MGAT4A: variants seen among roughly 807,000 people sequenced by gnomAD.
The protein encoded by MGAT4A is N-acetylglucosaminyltransferase IVa.
In MGAT4A, 33 loss-of-function variants were observed where a neutral mutation model predicts 74.1. That is an observed-to-expected ratio of 0.45 (90% CI 0.34 to 0.60). The LOEUF is 0.60. MGAT4A is among the 20% of genes least tolerant of loss of function. The pLI, the probability that MGAT4A is intolerant of heterozygous loss-of-function variation, is 0.02. For synonymous variants in MGAT4A, 198 were observed against 210.4 expected, an observed-to-expected ratio of 0.94 and a Z score of 0.51; for missense variants, 479 against 628.3, an observed-to-expected ratio of 0.76 and a Z score of 2.54.
At chr2:98,687,499 T>G (rs953001943) in intron 2 of MGAT4A, among the ~76,000 whole-genome samples, 5 of 151,878 alleles carry the variant, frequency 3.3e-5, no homozygotes, top group Non-Finnish European at 5.9e-5. Flanking sequence ...ATTTCATGCT[T>G]TCTCCTTCTT....
At chr2:98,651,833 CAA>C (rs948355112) in intron 8 of MGAT4A, among the ~76,000 whole-genome samples, 3 of 151,958 alleles carry the variant, frequency 2.0e-5, no homozygotes, top group African/African-American at 7.3e-5. Context: ...TACTTTACAT[CAA>C]AAGACACACA....
intron 2 of MGAT4A, among the ~76,000 whole-genome samples, chr2:98,688,369 T>A (rs1702154278): frequency 6.6e-6 from 1 of 152,192 alleles, no homozygotes; most frequent in Admixed American, 6.5e-5. Flanking sequence ...ACCCTCGTCC[T>A]TCTGGTATTC....
intron 5 of MGAT4A, among the ~76,000 whole-genome samples, chr2:98,658,515 G>A (rs1701694075): frequency 6.6e-6 from 1 of 152,052 alleles, no homozygotes; most frequent in South Asian, 2.1e-4. Flanking sequence ...TAGGAAAACT[G>A]AACACAAAAA....
chr2:98,719,581 A>G (rs6737760), intron 2 of MGAT4A, among the ~76,000 whole-genome samples: 28,279 of 152,192 alleles, frequency 0.19, 2,844 homozygotes, highest in South Asian at 0.23. Flanking sequence ...ACGGGGAAAA[A>G]AAACCAAGCA....
At chr2:98,706,099 G>C (rs1702427835) in intron 2 of MGAT4A, among the ~76,000 whole-genome samples, 1 of 152,038 alleles carries the variant, frequency 6.6e-6, no homozygotes, top group Non-Finnish European at 1.5e-5. Flanking sequence ...TTTTGATATT[G>C]TGCCCTAAAT....
intron 14 of MGAT4A, among the ~76,000 whole-genome samples, chr2:98,626,878 C>A (rs1701152579): frequency 6.6e-6 from 1 of 152,182 alleles, no homozygotes; most frequent in Non-Finnish European, 1.5e-5. Flanking sequence ...TTCTTTCACA[C>A]AGCCTAGGTG....
intron 2 of MGAT4A, among the ~76,000 whole-genome samples, chr2:98,723,982 G>A (rs765073518): frequency 1.3e-5 from 2 of 152,162 alleles, no homozygotes; most frequent in Non-Finnish European, 2.9e-5. Context: ...ATCTCCAATT[G>A]TTGTTATGAG....
chr2:98,658,013 T>G (rs1414023769), intron 6 of MGAT4A, among the ~76,000 whole-genome samples: 1 of 152,178 alleles, frequency 6.6e-6, no homozygotes, highest in Non-Finnish European at 1.5e-5. Flanking sequence ...TTTTCTATAA[T>G]GAAATAAACC....
chr2:98,635,638 A>G (rs1701307456), intron 13 of MGAT4A, among the ~76,000 whole-genome samples: 2 of 152,204 alleles, frequency 1.3e-5, no homozygotes, highest in African/African-American at 2.4e-5. Context: ...ATTAATTAAC[A>G]GGCATTAAAA....
intron 2 of MGAT4A, among the ~76,000 whole-genome samples, chr2:98,699,283 A>T: frequency 6.6e-6 from 1 of 152,218 alleles, no homozygotes; most frequent in East Asian, 1.9e-4. Flanking sequence ...TTCAGACTCC[A>T]ATAAGGAAAC....
chr2:98,680,915 T>C (rs1330279831), intron 2 of MGAT4A, among the ~76,000 whole-genome samples: 1 of 152,244 alleles, frequency 6.6e-6, no homozygotes, highest in African/African-American at 2.4e-5. Context: ...ATAAGAAGAC[T>C]CAGTCTTACA....
intron 3 of MGAT4A, among the ~76,000 whole-genome samples, chr2:98,677,664 C>T (rs1365580298): frequency 6.6e-6 from 1 of 151,942 alleles, no homozygotes; most frequent in Non-Finnish European, 1.5e-5. Flanking sequence ...TGTTGGCCAG[C>T]CTGGTCTTGA....
intron 2 of MGAT4A, among the ~76,000 whole-genome samples, chr2:98,684,147 G>C (rs1035924839): frequency 6.6e-6 from 1 of 152,216 alleles, no homozygotes; most frequent in Non-Finnish European, 1.5e-5. Flanking sequence ...TTAAGGAAGA[G>C]AATTGTTTAT....
At chr2:98,726,086 GAA>G (rs1183865708) in intron 2 of MGAT4A, 151 bp downstream of exon 2, 2 of 561,246 alleles carry the variant, frequency 3.6e-6, no homozygotes, top group African/African-American at 3.7e-5. Flanking sequence ...CTCTGTCCAA[GAA>G]TACTGTTTCA....
intron 1 of MGAT4A, among the ~76,000 whole-genome samples, chr2:98,728,862 A>G (rs953548523): frequency 8.5e-5 from 13 of 152,196 alleles, no homozygotes; most frequent in African/African-American, 3.1e-4. Flanking sequence ...TATAACTTGG[A>G]ACATTAATCC....
At chr2:98,692,683 AC>A (rs1240240877) in intron 2 of MGAT4A, among the ~76,000 whole-genome samples, 7 of 152,160 alleles carry the variant, frequency 4.6e-5, no homozygotes, top group Admixed American at 6.5e-5. Context: ...ACAAATACTT[AC>A]CATTGTGTTA....
intron 14 of MGAT4A, among the ~76,000 whole-genome samples, chr2:98,630,752 G>A (rs1216816797): frequency 6.6e-6 from 1 of 152,064 alleles, no homozygotes; most frequent in African/African-American, 2.4e-5. Context: ...ACTCCCGAAG[G>A]GACACAAATC....
chr2:98,712,566 A>G (rs950026949), intron 2 of MGAT4A, among the ~76,000 whole-genome samples: 4 of 152,208 alleles, frequency 2.6e-5, no homozygotes, highest in African/African-American at 4.8e-5. Flanking sequence ...CTGTACACTT[A>G]TGATTTGTGC....
In MGAT4A at chr2:98,621,759, A is replaced by G; in HGVS notation, c.*3807T>C. The G allele has an allele frequency of 8.4e-7, 1 of 1,193,142 alleles. No homozygotes were observed. The highest frequency in any genetic ancestry group is 1.0e-6 in the Non-Finnish European group (1 of 962,306). 73.9% of individuals were successfully genotyped at this position (1,193,142 alleles called of 1,614,324 possible). On this transcript the variant is annotated 3_prime_UTR_variant, in exon 16 of 16. Transcript: ENST00000393487. ...ATAACCAGTCTTTTCTTTGAGGGAC[A>G]GCACTGTTGGGAGACAACCTCTTTT... is the stretch of plus-strand genomic sequence containing the variant.
Sources: allele counts gnomAD v4.1 joint callset (sites outside exome capture counted in the v4.1 genomes callset), GRCh38; gene constraint gnomAD v4.1.1; transcripts MANE v1.5; gene names NCBI Gene and HGNC (gene_info 2026-07-23, HGNC 2026-07-21).